The following LZTS1 variants were observed in gnomAD, a reference collection of about 807,000 sequenced individuals.
LZTS1 encodes the protein leucine zipper tumor suppressor 1.
A neutral mutation model predicts 45.8 loss-of-function variants in LZTS1; 31 were observed. The observed-to-expected ratio is 0.68, with a 90% CI of 0.51 to 0.91. The LOEUF (loss-of-function observed/expected upper bound fraction) is 0.91. Ranked by LOEUF, LZTS1 falls within the 40% of genes least tolerant of loss-of-function variation. The pLI is 0.00. For synonymous variants in LZTS1, 359 were observed against 357.3 expected (o/e 1.00, Z -0.05); for missense variants, 821 against 788.9 (o/e 1.04, Z -0.49).
chr8:20,289,925 T>G (rs1241453255), intron 1 of LZTS1: 1 of 152,246 alleles, frequency 6.6e-6, no homozygotes. Flanking sequence ...TTCCCACCAC[T>G]GCGTAATTTC....
At chr8:20,260,559 C>T (rs1018248070) in intron 1 of LZTS1, among the ~76,000 whole-genome samples, 4 of 152,166 alleles carry the variant, frequency 2.6e-5, no homozygotes, top group African/African-American at 9.7e-5. Context: ...GGGTTTCTGT[C>T]CCAGATAGCA....
At chr8:20,260,744 A>G (rs763988784) in intron 1 of LZTS1, among the ~76,000 whole-genome samples, 1 of 152,202 alleles carries the variant, frequency 6.6e-6, no homozygotes, top group Non-Finnish European at 1.5e-5. Flanking sequence ...GTCAAGAGGT[A>G]GAAGATGGAC....
intron 1 of LZTS1, among the ~76,000 whole-genome samples, chr8:20,277,649 C>T (rs1800610827): frequency 6.6e-6 from 1 of 152,132 alleles, no homozygotes; most frequent in Non-Finnish European, 1.5e-5. Context: ...ACTTTGTAGG[C>T]TGATCTATGA....
intron 1 of LZTS1, among the ~76,000 whole-genome samples, chr8:20,296,443 G>C (rs1052533527): frequency 1.4e-4 from 21 of 152,184 alleles, no homozygotes; most frequent in Non-Finnish European, 3.1e-4. Context: ...AACTCTAATG[G>C]GTTCGTGGCC....
Position 20,252,966 on chromosome 8 carries a change from T to C in LZTS1, c.965A>G (p.Gln322Arg). The change falls in exon 3 of 4, where the codon CAG (glutamine) becomes CGG (arginine). Residue 322 changes from glutamine to arginine, a missense_variant. Coordinates refer to ENST00000381569, the MANE Select transcript of LZTS1 (RefSeq NM_021020.5). ...GACCTGCTGCGCGCGCTGGCTCTTC[T>C]GCGAGGCCTGCTTGAGCTTGTTGCC... is the stretch of plus-strand genomic sequence containing the variant. ...KGGNKLKQAS[Q>R]KSQRAQQVLH... 1 of 1,588,714 alleles carries C rather than the reference T, an allele frequency of 6.3e-7. No homozygotes were observed. Among genetic ancestry groups the C allele is most frequent in the Non-Finnish European group, 8.6e-7 (1 of 1,167,982 alleles).
In LZTS1 at chr8:20,279,869, C is replaced by T. The variant is rs371780414; in HGVS notation, c.-135+23871G>A. On this transcript the variant is annotated intron_variant, in intron 1 of 3. Transcript: ENST00000381569. ...GGGCATGGTAGCACATGCCCGTAGT[C>T]CCAGCTACTCAGGAGGCTGAGGTGG... Among the ~76,000 whole-genome samples the T allele has an allele frequency of 4.6e-5, 7 of 151,330 alleles. No individual in the cohort carries two copies. The South Asian group carries it at 1.5e-3, about 32-fold the overall frequency.
At position 20,255,161 on chromosome 8, in the gene LZTS1, G is replaced by A. The variant is rs766731232; in HGVS notation, c.21C>T (p.Leu7=). 4 of 1,613,408 alleles carry A rather than the reference G, an allele frequency of 2.5e-6. No individual in the cohort carries two copies. In the African/African-American group the frequency reaches 4.0e-5, roughly 16 times the overall value. The stretch of plus-strand genomic sequence containing the variant: ...TGCTGTGGAAGCTGTGGCCGGAGAT[G>A]AGGCTACTGACGCTGCCCATGGTGA... The part of the protein sequence containing the change: MGSVSS[L]ISGHSFHSKH... The change falls in exon 2 of 4, where the codon CTC becomes CTT. Residue 7 remains leucine (L), a synonymous_variant. Transcript: ENST00000381569.
chr8:20,293,951 T>A (rs892080063), intron 1 of LZTS1, among the ~76,000 whole-genome samples: 1 of 151,600 alleles, frequency 6.6e-6, no homozygotes, highest in Non-Finnish European at 1.5e-5. Flanking sequence ...AATAAATAAA[T>A]AAAATAAAAA....
intron 1 of LZTS1, among the ~76,000 whole-genome samples, chr8:20,283,421 G>T (rs974956206): frequency 5.9e-5 from 9 of 152,172 alleles, no homozygotes; most frequent in Non-Finnish European, 1.0e-4. Context: ...CACTGAATCT[G>T]CTGGCACCTT....
chr8:20,285,868 A>G (rs1277694768), intron 1 of LZTS1, among the ~76,000 whole-genome samples: 1 of 152,242 alleles, frequency 6.6e-6, no homozygotes, highest in East Asian at 1.9e-4. Flanking sequence ...AAACAAACCC[A>G]AATATATAAG....
chr8:20,252,517 C>T lies in LZTS1; in HGVS notation c.1149+265G>A, dbSNP rs190241418. Among the ~76,000 whole-genome samples the T allele has an allele frequency of 7.9e-5, 12 of 152,278 alleles. No homozygotes were observed. In the East Asian group the frequency reaches 1.4e-3, roughly 17 times the overall value. On this transcript the variant is annotated intron_variant, in intron 3 of 3. Coordinates refer to ENST00000381569, the MANE Select transcript of LZTS1 (RefSeq NM_021020.5). ...GGCTGGGCCTTGGTCATCTGGCTTC[C>T]GGCTTCATGATTTAATGGCTCACTT...
intron 1 of LZTS1, among the ~76,000 whole-genome samples, chr8:20,263,745 G>A (rs1454436990): frequency 6.6e-6 from 1 of 152,164 alleles, no homozygotes; most frequent in Non-Finnish European, 1.5e-5. Context: ...GGTGGAAGAA[G>A]GGGTCTGGGT....
chr8:20,261,994 G>A (rs1800242490), intron 1 of LZTS1, among the ~76,000 whole-genome samples: 1 of 152,092 alleles, frequency 6.6e-6, no homozygotes, highest in African/African-American at 2.4e-5. Flanking sequence ...CCTCCCCTAA[G>A]CTGCAAAGAG....
Position 20,253,274 on chromosome 8 carries a change from G to A in LZTS1, c.657C>T (p.Leu219=), listed in dbSNP as rs1269071384. 6.2e-7 allele frequency: 1 copy of A among 1,614,152 alleles called. No homozygotes were observed. The highest frequency in any genetic ancestry group is 1.1e-5 in the South Asian group (1 of 91,092). ...SAHNITQGIV[L]QDSNMMSLKA... is the part of the protein sequence containing the mutation. ...TCAGGCTCATCATGTTGCTGTCCTGGAGGACGATGCCCTGGGTGATGTTGT... is the reference window on the plus strand; with the variant it reads ...TCAGGCTCATCATGTTGCTGTCCTGAAGGACGATGCCCTGGGTGATGTTGT... The change falls in exon 3 of 4, where the codon CTC becomes CTT. Residue 219 remains leucine (L), a synonymous_variant. Coordinates refer to ENST00000381569, the MANE Select transcript of LZTS1 (RefSeq NM_021020.5).
chr8:20,283,961 A>G (rs151225823), intron 1 of LZTS1, among the ~76,000 whole-genome samples: 110 of 152,316 alleles, frequency 7.2e-4, no homozygotes, highest in African/African-American at 2.5e-3. Context: ...AACCAACTGA[A>G]TATAGGAAAT....
intron 1 of LZTS1, 67 bp from the exon 2 acceptor site, chr8:20,255,382 C>T: frequency 1.7e-6 from 2 of 1,163,036 alleles, no homozygotes; most frequent in Non-Finnish European, 2.3e-6. Context: ...CTGATTCCGA[C>T]TTCCAGATCT....
intron 1 of LZTS1, among the ~76,000 whole-genome samples, chr8:20,285,180 A>G (rs1800770422): frequency 6.6e-6 from 1 of 152,234 alleles, no homozygotes; most frequent in South Asian, 2.1e-4. Context: ...TGGTTCTCAC[A>G]TTGCTTCCCT....
chr8:20,291,592 C>G (rs918553114), intron 1 of LZTS1, among the ~76,000 whole-genome samples: 12 of 152,086 alleles, frequency 7.9e-5, no homozygotes, highest in Admixed American at 4.6e-4. Flanking sequence ...GGTAGCAGAG[C>G]CAGGATCTCT....
intron 3 of LZTS1, 132 bp downstream of exon 3, chr8:20,252,650 T>A (rs1380632691): frequency 1.5e-6 from 1 of 682,698 alleles, no homozygotes; most frequent in African/African-American, 1.8e-5. Context: ...CTTTGGGTGA[T>A]AAAGCCAGCA....
Sources: allele counts gnomAD v4.1 joint callset (sites outside exome capture counted in the v4.1 genomes callset), GRCh38; gene constraint gnomAD v4.1.1; transcripts MANE v1.5; gene names NCBI Gene and HGNC (gene_info 2026-07-23, HGNC 2026-07-21).